The following SYNPR variants were observed in gnomAD, a reference collection of about 807,000 sequenced individuals.
SYNPR encodes synaptoporin.
SYNPR carries 23 observed loss-of-function variants against 32.9 expected under a neutral mutation model. That is an observed-to-expected ratio of 0.70 (90% CI 0.50 to 0.99). The LOEUF is 0.99. Ranked by LOEUF, SYNPR falls within the 50% of genes least tolerant of loss-of-function variation. The pLI, the probability that SYNPR is intolerant of heterozygous loss-of-function variation, is 0.00. For missense variants in SYNPR, 318 were observed against 349.3 expected (o/e 0.91, Z 0.71); for synonymous variants, 146 against 135.9 (o/e 1.07, Z -0.52).
chr3:63,218,733 A>G, the SYNPR span, among the ~76,000 whole-genome samples: 2 of 152,260 alleles, frequency 1.3e-5, no homozygotes, highest in Non-Finnish European at 2.9e-5. Context: ...ATAAAGCGAT[A>G]CAAAGGGCCA....
chr3:63,606,417 C>CTTTTTTTTTTTTATTTTTTTTTTT (rs1700121001), intron 4 of SYNPR, among the ~76,000 whole-genome samples: 1 of 68,300 alleles, frequency 1.5e-5, no homozygotes, highest in Non-Finnish European at 2.9e-5. Context: ...CAAATCCTTT[C>CTTTTTTTTTTTTATTTTTTTTTTT]TTTTTTTTTT....
chr3:63,314,587 C>T (rs1261178529), intron 2 of SYNPR, among the ~76,000 whole-genome samples: 2 of 151,600 alleles, frequency 1.3e-5, no homozygotes, highest in Non-Finnish European at 3.0e-5. Context: ...TTTTTTCTTA[C>T]TGATTTGTTT....
chr3:63,576,519 C>CGGTGACT (rs1169076017), intron 4 of SYNPR, among the ~76,000 whole-genome samples: 1 of 152,014 alleles, frequency 6.6e-6, no homozygotes, highest in African/African-American at 2.4e-5. Context: ...GGGCTGGGCG[C>CGGTGACT]GGTGACTCAC....
intron 2 of SYNPR, among the ~76,000 whole-genome samples, chr3:63,294,821 ATAATACTCGTAAATGT>A (rs1325619544): frequency 1.2e-4 from 18 of 152,326 alleles, no homozygotes; most frequent in Admixed American, 9.2e-4. Context: ...TTTACTTTAA[ATAATACTCGTAAATGT>A]TAGTGCATAT....
chr3:63,228,002 G>C (rs141502661), upstream of SYNPR, among the ~76,000 whole-genome samples: 4 of 152,292 alleles, frequency 2.6e-5, no homozygotes, highest in East Asian at 7.7e-4. Context: ...AAGAAGTTTG[G>C]ATTTTATTTT....
chr3:63,595,745 A>AAC (rs1249833024), intron 4 of SYNPR, among the ~76,000 whole-genome samples: 1 of 41,928 alleles, frequency 2.4e-5, no homozygotes, highest in Non-Finnish European at 3.6e-5. Context: ...ATATATATAT[A>AAC]TATATATATA....
At chr3:63,441,143 T>C (rs1406878669) in intron 2 of SYNPR, among the ~76,000 whole-genome samples, 2 of 152,210 alleles carry the variant, frequency 1.3e-5, no homozygotes, top group Non-Finnish European at 2.9e-5. Context: ...ACTTAACTCT[T>C]TGGGTCTTGG....
intron 4 of SYNPR, among the ~76,000 whole-genome samples, chr3:63,570,591 C>A (rs1702869823): frequency 6.6e-6 from 1 of 152,126 alleles, no homozygotes; most frequent in South Asian, 2.1e-4. Flanking sequence ...TATCAAAATT[C>A]AACTCATCTT....
chr3:63,439,095 G>GT (rs1379140181), intron 2 of SYNPR, among the ~76,000 whole-genome samples: 1 of 152,164 alleles, frequency 6.6e-6, no homozygotes, highest in Non-Finnish European at 1.5e-5. Flanking sequence ...TTACCAGAAG[G>GT]TGTGTCCACC....
At chr3:63,242,418 G>C (rs139261222) in intron 1 of SYNPR, among the ~76,000 whole-genome samples, 4 of 152,194 alleles carry the variant, frequency 2.6e-5, no homozygotes, top group African/African-American at 4.8e-5. Context: ...CCAGCTAGGG[G>C]AAGCAGCAAG....
intron 2 of SYNPR, among the ~76,000 whole-genome samples, chr3:63,394,443 G>T (rs951975111): frequency 1.3e-5 from 2 of 152,104 alleles, no homozygotes. Context: ...GGGCTGTCCT[G>T]GTTTGGTCCC....
chr3:63,467,281 A>G lies in SYNPR; in HGVS notation c.85-13551A>G, dbSNP rs116504484. ...TTATGTAGAGAATGTCTTCTCTTCT[A>G]CACTTTGGTCACCTGCCAGTAGTGT... On this transcript the variant is annotated intron_variant, in intron 2 of 5. Transcript: ENST00000478300. Among the ~76,000 whole-genome samples, 1,511 of 152,286 alleles carry G rather than the reference A, an allele frequency of 9.9e-3. 21 individuals carry two copies. Among genetic ancestry groups the G allele is most frequent in the African/African-American group, 0.034 (1,402 of 41,552 alleles).
chr3:63,397,103 C>CAA lies in SYNPR; in HGVS notation c.85-83708_85-83707dup, dbSNP rs10601486. 8.9e-4 allele frequency among the ~76,000 whole-genome samples: 88 copies of CAA among 99,122 alleles called. 1 individual carries two copies. In the South Asian group the frequency reaches 9.1e-3, roughly 10 times the overall value. The allele number at this position is 99,122 out of a possible 152,430, so 65.0% of individuals were successfully genotyped here. A position where few individuals can be genotyped will look rare whatever the true frequency, so the allele number is the denominator to read the frequency against. On this transcript the variant is annotated intron_variant, in intron 2 of 5. Coordinates refer to ENST00000478300, the MANE Select transcript of SYNPR (RefSeq NM_001130003.2). ...TGGGCAACAGAGCGAGACTCCGTCT[C>CAA]AAAAAAAAAAAAAAAAAAAAAATTC...
intron 2 of SYNPR, among the ~76,000 whole-genome samples, chr3:63,368,044 A>C (rs891597959): frequency 6.6e-6 from 1 of 152,196 alleles, no homozygotes; most frequent in African/African-American, 2.4e-5. Flanking sequence ...GTATTGAGAA[A>C]CGAGACATTG....
intron 2 of SYNPR, among the ~76,000 whole-genome samples, chr3:63,408,320 G>GAAAGAAAGAAAGAA (rs2088412294): frequency 1.4e-5 from 1 of 73,686 alleles, no homozygotes; most frequent in African/African-American, 5.7e-5. Flanking sequence ...AGGAAGGAAG[G>GAAAGAAAGAAAGAA]AAAGAAAGAA....
chr3:63,376,728 G>C (rs908535912), intron 2 of SYNPR, among the ~76,000 whole-genome samples: 2 of 152,036 alleles, frequency 1.3e-5, no homozygotes, highest in Non-Finnish European at 2.9e-5. Flanking sequence ...TAATTTATTA[G>C]AGTAATTATT....
At chr3:63,402,229 G>A (rs753805503) in intron 2 of SYNPR, among the ~76,000 whole-genome samples, 4 of 152,056 alleles carry the variant, frequency 2.6e-5, no homozygotes, top group Admixed American at 2.6e-4. Flanking sequence ...GGGATGTTTA[G>A]CAGCATCCCG....
chr3:63,269,659 A>AT (rs2086517362), intron 3 of SYNPR, among the ~76,000 whole-genome samples: 1 of 152,220 alleles, frequency 6.6e-6, no homozygotes. Context: ...TTGTAAGGAC[A>AT]TTCTGTACCA....
intron 4 of SYNPR, among the ~76,000 whole-genome samples, chr3:63,572,698 T>C (rs1702909487): frequency 6.6e-6 from 1 of 152,156 alleles, no homozygotes; most frequent in Non-Finnish European, 1.5e-5. Context: ...ACAGGATAGA[T>C]TTAAATTAGA....
Sources: allele counts gnomAD v4.1 joint callset (sites outside exome capture counted in the v4.1 genomes callset), GRCh38; gene constraint gnomAD v4.1.1; transcripts MANE v1.5; gene names NCBI Gene and HGNC (gene_info 2026-07-23, HGNC 2026-07-21).